DAB2IP: variants seen among roughly 807,000 people sequenced by gnomAD.
The protein encoded by DAB2IP is DAB2 interacting protein, also known as disabled homolog 2-interacting protein.
DAB2IP carries 28 observed loss-of-function variants against 107.2 expected under a neutral mutation model. The ratio of observed to expected loss-of-function variants is 0.26; its 90% CI spans 0.19 to 0.36. The LOEUF is 0.36. Ranked by LOEUF, DAB2IP falls within the 10% of genes least tolerant of loss-of-function variation. The pLI is 1.00. For missense variants in DAB2IP, 1,400 were observed against 1,644.7 expected (o/e 0.85, Z 2.57); for synonymous variants, 755 against 706.4 (o/e 1.07, Z -1.09).
At chr9:121,688,878 GC>G (rs960685111) in intron 2 of DAB2IP, among the ~76,000 whole-genome samples, 2 of 152,114 alleles carry the variant, frequency 1.3e-5, no homozygotes, top group African/African-American at 4.8e-5. Flanking sequence ...ACTTCTGCCA[GC>G]CCCCACACTT....
rs1829540747 is a variant in DAB2IP at position 121,698,445 on chromosome 9, G to T, written c.229-880G>T. Among the ~76,000 whole-genome samples, 1 of 152,218 alleles carries T rather than the reference G, an allele frequency of 6.6e-6. No homozygotes were observed. Among genetic ancestry groups the T allele is most frequent in the African/African-American group, 2.4e-5 (1 of 41,456 alleles). On this transcript the variant is annotated intron_variant, in intron 2 of 15. Coordinates refer to ENST00000408936, the Ensembl canonical transcript of DAB2IP. This position sits in a 1 kb window ranked among gnomAD's most constrained non-coding sequence, Gnocchi z 4.1. ...AGCTCTTGGGATGGGGGAGGTGGGGGATTAAGCTCTGTTTTCAGTCAGTGC... is the reference window on the plus strand; with the variant it reads ...AGCTCTTGGGATGGGGGAGGTGGGGTATTAAGCTCTGTTTTCAGTCAGTGC...
chr9:121,588,833 G>T (rs545195211), intron 1 of DAB2IP, among the ~76,000 whole-genome samples: 1 of 151,978 alleles, frequency 6.6e-6, no homozygotes, highest in South Asian at 2.1e-4. Context: ...TGTCACCTCT[G>T]GGGAGGTGGC....
Position 121,639,570 on chromosome 9 carries a change from C to G in DAB2IP, c.41-39108C>G, listed in dbSNP as rs73661800. Among the ~76,000 whole-genome samples, 528 of 152,266 alleles carry G rather than the reference C, an allele frequency of 3.5e-3. 4 individuals carry two copies. Among genetic ancestry groups the G allele is most frequent in the African/African-American group, 0.012 (509 of 41,538 alleles). ...CTGCTGGGCCCCAGAATCCAGACCA[C>G]ATGGGGAGCCTGCGGAGGGAGGTGG... On this transcript the variant is annotated intron_variant, in intron 1 of 16. Transcript: ENST00000259371.
At chr9:121,716,167 C>T (rs1288524857) in intron 3 of DAB2IP, among the ~76,000 whole-genome samples, 1 of 152,224 alleles carries the variant, frequency 6.6e-6, no homozygotes, top group Admixed American at 6.5e-5. Flanking sequence ...GCTCTGGATT[C>T]TTCCGTCTCT....
At chr9:121,734,254 G>A (rs1487005592) in intron 3 of DAB2IP, among the ~76,000 whole-genome samples, 1 of 149,454 alleles carries the variant, frequency 6.7e-6, no homozygotes. Context: ...GCGGGCGCCT[G>A]TAGTCCCAGC....
At chr9:121,700,743 C>T (rs1039720217) in intron 3 of DAB2IP, among the ~76,000 whole-genome samples, 1 of 152,284 alleles carries the variant, frequency 6.6e-6, no homozygotes, top group East Asian at 1.9e-4. Context: ...CGTTTAATTT[C>T]CATCGTCCCA....
intron 2 of DAB2IP, among the ~76,000 whole-genome samples, chr9:121,691,595 G>C (rs1281463113): frequency 6.6e-6 from 1 of 151,956 alleles, no homozygotes; most frequent in Non-Finnish European, 1.5e-5. Context: ...ATTGTATGCA[G>C]GGAAATGGGC....
chr9:121,765,671 A>G (rs764290153), intron 8 of DAB2IP, among the ~76,000 whole-genome samples: 4 of 152,160 alleles, frequency 2.6e-5, no homozygotes, highest in Non-Finnish European at 4.4e-5. Context: ...CCAAGTGTAG[A>G]CTGAGTTCAC....
intron 2 of DAB2IP, 65 bp downstream of exon 2, chr9:121,678,846 GCTCT>G: frequency 7.1e-7 from 1 of 1,413,174 alleles, no homozygotes; most frequent in African/African-American, 1.5e-5. Flanking sequence ...CCGGGGTGCT[GCTCT>G]GTGACCCCAC....
At chr9:121,580,701 T>C (rs1830172596) in intron 1 of DAB2IP, among the ~76,000 whole-genome samples, 1 of 151,984 alleles carries the variant, frequency 6.6e-6, no homozygotes, top group African/African-American at 2.4e-5. Context: ...CTCAGCTCAC[T>C]GCAAGCTCCG....
At chr9:121,755,032 A>C (rs1431959778) in intron 3 of DAB2IP, among the ~76,000 whole-genome samples, 1 of 152,068 alleles carries the variant, frequency 6.6e-6, no homozygotes, top group Non-Finnish European at 1.5e-5. Flanking sequence ...TCTTCCACTG[A>C]GGTATGAAGC....
Position 121,760,459 on chromosome 9 carries a change from C to A in DAB2IP, c.1170+20C>A. 1 of 1,564,770 alleles carries A rather than the reference C, an allele frequency of 6.4e-7. No individual in the cohort carries two copies. ...GTGAAGGTGCGTGCAGGCCCCTCGG[C>A]TCCTGACACAGGCTGGGCGGCAGCA... On this transcript the variant is annotated intron_variant, in intron 6 of 15. Coordinates refer to ENST00000408936, the Ensembl canonical transcript of DAB2IP. This position sits in a 1 kb window ranked among gnomAD's most constrained non-coding sequence, Gnocchi z 5.9.
intron 2 of DAB2IP, among the ~76,000 whole-genome samples, chr9:121,693,495 G>A (rs1829265998): frequency 6.6e-6 from 1 of 152,260 alleles, no homozygotes; most frequent in Non-Finnish European, 1.5e-5. Context: ...CAAAGCCCCA[G>A]AAAGATATTG....
At chr9:121,761,557 A>AAGCCTCAGC (rs949524522) in intron 6 of DAB2IP, among the ~76,000 whole-genome samples, 1 of 152,138 alleles carries the variant, frequency 6.6e-6, no homozygotes, top group Non-Finnish European at 1.5e-5. Context: ...CCATGGCTGG[A>AAGCCTCAGC]AGCCTCAGCA....
At chr9:121,602,485 C>CTG (rs1830716739) in intron 1 of DAB2IP, among the ~76,000 whole-genome samples, 2 of 152,224 alleles carry the variant, frequency 1.3e-5, no homozygotes, top group Non-Finnish European at 2.9e-5. Flanking sequence ...CCTCAAACTC[C>CTG]TGTGCTCCAG....
At chr9:121,783,265 T>TTCCCACACC (rs1271433198) in exon 16 of DAB2IP, 72 of 1,344,456 alleles carry the variant, frequency 5.4e-5, no homozygotes, top group Non-Finnish European at 6.5e-5. Context: ...GACCCACAGC[T>TTCCCACACC]TCCCACACCT....
chr9:121,593,930 A>G (rs1324323719), intron 1 of DAB2IP, among the ~76,000 whole-genome samples: 1 of 151,990 alleles, frequency 6.6e-6, no homozygotes, highest in African/African-American at 2.4e-5. Flanking sequence ...GGCCTCCCAA[A>G]GTGCTGGGTT....
At chr9:121,739,698 G>A (rs1832187830) in intron 3 of DAB2IP, among the ~76,000 whole-genome samples, 1 of 152,224 alleles carries the variant, frequency 6.6e-6, no homozygotes, top group South Asian at 2.1e-4. Context: ...AGCTCCGAGA[G>A]GTGTCCCAGA....
intron 1 of DAB2IP, among the ~76,000 whole-genome samples, chr9:121,617,536 C>T (rs916759022): frequency 6.6e-6 from 1 of 152,226 alleles, no homozygotes; most frequent in Non-Finnish European, 1.5e-5. Flanking sequence ...CTCTTCTCTG[C>T]ACCTCACCCA....
Sources: allele counts gnomAD v4.1 joint callset (sites outside exome capture counted in the v4.1 genomes callset), GRCh38; gene constraint gnomAD v4.1.1; non-coding constraint Gnocchi (gnomAD v3.1); transcripts MANE v1.5; gene names NCBI Gene and HGNC (gene_info 2026-07-23, HGNC 2026-07-21).